The following OTOGL variants were observed in gnomAD, a reference collection of about 807,000 sequenced individuals.
The protein encoded by OTOGL is otogelin like, also known as otogelin-like protein.
A neutral mutation model predicts 318.5 loss-of-function variants in OTOGL; 285 were observed. The observed-to-expected ratio is 0.89, with a 90% CI of 0.81 to 0.99. OTOGL has a LOEUF of 0.99. Ranked by LOEUF, OTOGL falls within the 50% of genes least tolerant of loss-of-function variation. The pLI, the probability that OTOGL is intolerant of heterozygous loss-of-function variation, is 0.00. For missense variants in OTOGL, 2,899 were observed against 2,845.6 expected (o/e 1.02, Z -0.43); for synonymous variants, 987 against 936.5 (o/e 1.05, Z -0.99).
chr12:80,182,822 G>A (rs987370550), intron 1 of OTOGL, among the ~76,000 whole-genome samples: 2 of 152,206 alleles, frequency 1.3e-5, no homozygotes, highest in Non-Finnish European at 2.9e-5. Flanking sequence ...ATATGTAGAT[G>A]TTTGTACTTT....
rs1172913946 is a variant in OTOGL at position 80,356,478 on chromosome 12, G to A, written c.5869G>A (p.Val1957Ile). Residue 1957 changes from valine (V) to isoleucine (I), a missense_variant, in exon 48 of 59, where the codon GTT (valine) becomes ATT (isoleucine). Val to Ile is a conservative substitution (Grantham distance 29, BLOSUM62 3). This residue lies in a region of OTOGL where 2,607 missense variants were observed against 2,524.9 expected (regional missense o/e 1.03). Coordinates refer to ENST00000547103, the MANE Select transcript of OTOGL (RefSeq NM_001378609.3). ...PTCTNSQKLI[V>I]GHSPLSCCPQ... ...ATGTACAAATAGTCAAAAATTGATT[G>A]TTGGCCACAGTCCTCTTTCTTGCTG... 3.1e-6 allele frequency: 5 copies of A among 1,612,048 alleles called. No individual in the cohort carries two copies. In the African/African-American group the frequency reaches 5.3e-5, roughly 17 times the overall value.
At chr12:80,373,983 A>G (rs1397997661) in intron 57 of OTOGL, among the ~76,000 whole-genome samples, 2 of 152,162 alleles carry the variant, frequency 1.3e-5, no homozygotes, top group African/African-American at 4.8e-5. Flanking sequence ...GCCAAACTCA[A>G]TGCACACATA....
intron 20 of OTOGL, chr12:80,265,444 T>C (rs1283190733): frequency 3.8e-6 from 2 of 528,698 alleles, no homozygotes; most frequent in Non-Finnish European, 6.7e-6. Context: ...TTATTGTAAC[T>C]ATGTTTTGAA....
intron 24 of OTOGL, among the ~76,000 whole-genome samples, chr12:80,274,337 GT>G (rs1220581616): frequency 6.6e-6 from 1 of 152,042 alleles, no homozygotes; most frequent in Non-Finnish European, 1.5e-5. Context: ...TATGGAGAAA[GT>G]TTTAGTAGTC....
In OTOGL at chr12:80,128,882, A is replaced by G. The variant is rs139814212; in HGVS notation, c.-20+29277A>G. ...TCCTGGTGTGCCGTTTGCTAAGACC[A>G]TTGGAAAAGCACAGTATTAGGGTGG... On this transcript the variant is annotated intron_variant, in intron 1 of 58. Transcript: ENST00000547103. Among the ~76,000 whole-genome samples the G allele has an allele frequency of 5.0e-3, 768 of 152,262 alleles. 2 individuals carry two copies. Among genetic ancestry groups the G allele is most frequent in the Non-Finnish European group, 9.1e-3 (616 of 68,014 alleles).
chr12:80,250,278 A>G (rs188317638), intron 11 of OTOGL, among the ~76,000 whole-genome samples: 31 of 152,224 alleles, frequency 2.0e-4, no homozygotes, highest in Admixed American at 1.7e-3. Context: ...CCCTTAGTAA[A>G]TTATAATTTT....
At chr12:80,295,186 T>TTTTTTTTTTAA (rs1485344487) in intron 26 of OTOGL, among the ~76,000 whole-genome samples, 1 of 114,884 alleles carries the variant, frequency 8.7e-6, no homozygotes, top group African/African-American at 3.0e-5. Context: ...TTTTTTTTTT[T>TTTTTTTTTTAA]AAGACAGAGT....
rs994500 is a variant in OTOGL at position 80,376,292 on chromosome 12, C to T, written c.6782-831C>T. Among the ~76,000 whole-genome samples the T allele has an allele frequency of 4.1e-3, 620 of 152,164 alleles. 5 individuals carry two copies. The highest frequency in any genetic ancestry group is 0.014 in the African/African-American group (587 of 41,542). ...ATTGTTTTAAATTAGGATTTCATGG[C>T]TAAATGTATTTTAAAATTGGGATAT... On this transcript the variant is annotated intron_variant, in intron 57 of 58. Transcript: ENST00000547103.
chr12:80,149,681 G>T (rs1872647737), intron 1 of OTOGL, among the ~76,000 whole-genome samples: 2 of 152,190 alleles, frequency 1.3e-5, no homozygotes, highest in African/African-American at 4.8e-5. Context: ...CTGCCGCCTT[G>T]CAGTTTGATC....
chr12:80,256,073 G>A, intron 16 of OTOGL, among the ~76,000 whole-genome samples: 1 of 151,816 alleles, frequency 6.6e-6, no homozygotes, highest in Non-Finnish European at 1.5e-5. Context: ...GTATACATCT[G>A]ATATATTTAA....
intron 27 of OTOGL, 62 bp from the exon 28 acceptor site, chr12:80,302,572 T>C: frequency 9.4e-7 from 1 of 1,060,806 alleles, no homozygotes; most frequent in Non-Finnish European, 1.2e-6. Context: ...CTAAACTAAT[T>C]TGATATATTT....
At chr12:80,259,366 A>G (rs1224664245) in intron 18 of OTOGL, among the ~76,000 whole-genome samples, 1 of 151,530 alleles carries the variant, frequency 6.6e-6, no homozygotes, top group Non-Finnish European at 1.5e-5. Context: ...TTAATTTATT[A>G]TTATTATTTT....
rs1043140264 is a variant in OTOGL at position 80,326,014 on chromosome 12, C to T, written c.4199+2174C>T. Among the ~76,000 whole-genome samples the T allele has an allele frequency of 5.3e-5, 8 of 152,238 alleles. No individual in the cohort carries two copies. The South Asian group carries it at 8.3e-4, about 16-fold the overall frequency. On this transcript the variant is annotated intron_variant, in intron 35 of 58. Transcript: ENST00000547103. ...AGAGAAGAGACTCACGATGAAACTT[C>T]GCCCCTGCCAAACTGATTCTCATCT... is the stretch of plus-strand genomic sequence containing the variant.
intron 26 of OTOGL, among the ~76,000 whole-genome samples, chr12:80,292,514 C>T (rs939619995): frequency 1.3e-5 from 2 of 152,148 alleles, no homozygotes; most frequent in Non-Finnish European, 2.9e-5. Context: ...TAATCAGAAA[C>T]CTGCCTTCAA....
intron 1 of OTOGL, among the ~76,000 whole-genome samples, chr12:80,141,217 T>A (rs77706122): frequency 3.9e-5 from 6 of 152,172 alleles, no homozygotes; most frequent in Non-Finnish European, 7.4e-5. Context: ...AGATTTTTTT[T>A]ATTAACTCTA....
chr12:80,159,307 G>A (rs1022401879), intron 1 of OTOGL, among the ~76,000 whole-genome samples: 4 of 151,944 alleles, frequency 2.6e-5, no homozygotes, highest in East Asian at 3.8e-4. Flanking sequence ...TTTTTGTTAT[G>A]TCCTTTGCTG....
At chr12:80,131,090 C>A (rs1289409612) in intron 1 of OTOGL, 1 of 152,232 alleles carries the variant, frequency 6.6e-6, no homozygotes. Flanking sequence ...GCTCTGGAAA[C>A]TTAAGAAGTA....
intron 26 of OTOGL, among the ~76,000 whole-genome samples, chr12:80,291,794 T>C (rs2137683793): frequency 6.6e-6 from 1 of 152,340 alleles, no homozygotes; most frequent in East Asian, 1.9e-4. Flanking sequence ...ATTGAACTTA[T>C]GCAAATAGCT....
At chr12:80,115,321 CTT>C (rs1363277640) in intron 1 of OTOGL, among the ~76,000 whole-genome samples, 4 of 151,836 alleles carry the variant, frequency 2.6e-5, no homozygotes, top group Non-Finnish European at 5.9e-5. Context: ...ATTGCTTTCT[CTT>C]TGTAATTTTT....
Sources: gnomAD v4.1 joint callset for allele counts (sites outside exome capture counted in the v4.1 genomes callset) on GRCh38, gnomAD v4.1.1 for gene constraint, gnomAD v4.1.1 regional missense constraint, MANE v1.5 for transcripts, NCBI Gene and HGNC (gene_info 2026-07-23, HGNC 2026-07-21) for gene names.